ZC2HC1B: variants seen among roughly 807,000 people sequenced by gnomAD.
ZC2HC1B encodes zinc finger C2HC-type containing 1B, also known as zinc finger C2HC domain-containing protein 1B.
ZC2HC1B carries 36 observed loss-of-function variants against 31.0 expected under a neutral mutation model. The observed-to-expected ratio is 1.16, with a 90% confidence interval of 0.89 to 1.54. ZC2HC1B has a LOEUF of 1.54. Ranked by LOEUF, ZC2HC1B falls within the 40% of genes most tolerant of loss-of-function variation. ZC2HC1B has a pLI of 0.00. For missense variants in ZC2HC1B, 260 were observed against 268.6 expected (o/e 0.97, Z 0.22); for synonymous variants, 73 against 88.0 (o/e 0.83, Z 0.95).
rs1192967560 is a variant in ZC2HC1B at position 143,934,944 on chromosome 6, C to A, written c.599-2705C>A. On this transcript the variant is annotated intron_variant, in intron 6 of 7. Coordinates refer to ENST00000237275, the MANE Select transcript of ZC2HC1B (RefSeq NM_001013623.3). The surrounding 1 kb of genome is among the most constrained non-coding windows in gnomAD (Gnocchi z 4.6). ...GACCTCCAGATGGCTTGCTCAGGTGCCAGCAGTGGCGATGGTGGGTGGCTC... is the reference window on the plus strand; with the variant it reads ...GACCTCCAGATGGCTTGCTCAGGTGACAGCAGTGGCGATGGTGGGTGGCTC... Among the ~76,000 whole-genome samples, 1 of 152,134 alleles carries A rather than the reference C, an allele frequency of 6.6e-6. No homozygotes were observed. The highest frequency in any genetic ancestry group is 2.4e-5 in the African/African-American group (1 of 41,428).
rs1777878911 is a variant in ZC2HC1B at position 143,913,023 on chromosome 6, A to G, written c.598+9871A>G. On this transcript the variant is annotated intron_variant, in intron 6 of 7. Coordinates refer to ENST00000237275, the MANE Select transcript of ZC2HC1B (RefSeq NM_001013623.3). The surrounding 1 kb of genome is among the most constrained non-coding windows in gnomAD (Gnocchi z 5.7). ...AAAGAAGCAGTCTGGCCATACCTCA[A>G]CAAAACAGCTGTGCTGTGGTGATGA... Among the ~76,000 whole-genome samples, 1 of 152,214 alleles carries G rather than the reference A, an allele frequency of 6.6e-6. No individual in the cohort carries two copies. The highest frequency in any genetic ancestry group is 2.1e-4 in the South Asian group (1 of 4,830).
intron 6 of ZC2HC1B, among the ~76,000 whole-genome samples, chr6:143,928,034 C>T (rs918891365): frequency 6.6e-6 from 1 of 152,184 alleles, no homozygotes; most frequent in Non-Finnish European, 1.5e-5. Context: ...AGTCCCTTGT[C>T]AGATGCACAG....
intron 4 of ZC2HC1B, among the ~76,000 whole-genome samples, chr6:143,890,963 A>G (rs892577144): frequency 3.3e-5 from 5 of 151,692 alleles, no homozygotes; most frequent in Admixed American, 2.6e-4. Context: ...CCCCGTCTCT[A>G]CTAAAAAAAA....
At chr6:143,931,724 A>G (rs775847062) in intron 6 of ZC2HC1B, among the ~76,000 whole-genome samples, 1 of 152,222 alleles carries the variant, frequency 6.6e-6, no homozygotes, top group South Asian at 2.1e-4. Flanking sequence ...TTTCCTTTAT[A>G]GGTTACCTGA....
chr6:143,924,396 T>C lies in ZC2HC1B; in HGVS notation c.599-13253T>C, dbSNP rs949736969. Among the ~76,000 whole-genome samples the C allele has an allele frequency of 2.6e-5, 4 of 151,246 alleles. No individual in the cohort carries two copies. Among genetic ancestry groups the C allele is most frequent in the African/African-American group, 9.7e-5 (4 of 41,222 alleles). ...CATATATATATCCATGTATATATAA[T>C]ACACACACACACATATATCCATGTT... On this transcript the variant is annotated intron_variant, in intron 6 of 7. Coordinates refer to ENST00000237275, the MANE Select transcript of ZC2HC1B (RefSeq NM_001013623.3). This position sits in a 1 kb window ranked among gnomAD's most constrained non-coding sequence, Gnocchi z 5.2.
intron 5 of ZC2HC1B, 84 bp from the exon 6 acceptor site, chr6:143,902,960 G>C: frequency 1.6e-6 from 2 of 1,284,648 alleles, no homozygotes; most frequent in South Asian, 1.3e-5. Flanking sequence ...TGCTGGTTAA[G>C]TGGGAACAGC....
Position 143,877,351 on chromosome 6 carries a change from C to T in ZC2HC1B, c.29-6953C>T, listed in dbSNP as rs554709777. On this transcript the variant is annotated intron_variant, in intron 1 of 7. Transcript: ENST00000237275. Reference sequence around the variant, plus strand: ...AGCCTGGAGTGCAATGGCGCCATCTCAGTTCACCAAAACCTCCACCTCCTG... The same window carrying T: ...AGCCTGGAGTGCAATGGCGCCATCTTAGTTCACCAAAACCTCCACCTCCTG... Among the ~76,000 whole-genome samples the T allele has an allele frequency of 5.5e-5, 7 of 126,540 alleles. No homozygotes were observed. The East Asian group carries it at 7.4e-4, about 13-fold the overall frequency. 83.0% of individuals were successfully genotyped at this position (126,540 alleles called of 152,430 possible). A position where few individuals can be genotyped will look rare whatever the true frequency, so the allele number is the denominator to read the frequency against.
Position 143,924,103 on chromosome 6 carries a change from G to A in ZC2HC1B, c.599-13546G>A, listed in dbSNP as rs925881440. On this transcript the variant is annotated intron_variant, in intron 6 of 7. Transcript: ENST00000237275. This position sits in a 1 kb window ranked among gnomAD's most constrained non-coding sequence, Gnocchi z 5.2. ...GCATGGGATATCTTTCCATTTGTTT[G>A]TGTCCTCTTAACATTCTTTCATCAG... Among the ~76,000 whole-genome samples, 2 of 152,020 alleles carry A rather than the reference G, an allele frequency of 1.3e-5. No homozygotes were observed. Among genetic ancestry groups the A allele is most frequent in the African/African-American group, 4.8e-5 (2 of 41,434 alleles).
At chr6:143,894,914 C>A (rs555900287) in intron 4 of ZC2HC1B, among the ~76,000 whole-genome samples, 1 of 152,192 alleles carries the variant, frequency 6.6e-6, no homozygotes, top group African/African-American at 2.4e-5. Context: ...ATTATTGTTT[C>A]TCTAAAAAAA....
rs1289558335 is a variant in ZC2HC1B, at chr6:143,903,897, TTTTA to T, written c.598+751_598+754del. 6.6e-6 allele frequency among the ~76,000 whole-genome samples: 1 copy of T among 152,166 alleles called. No individual in the cohort carries two copies. Among genetic ancestry groups the T allele is most frequent in the Admixed American group, 6.5e-5 (1 of 15,268 alleles). On this transcript the variant is annotated intron_variant, in intron 6 of 7. Coordinates refer to ENST00000237275, the MANE Select transcript of ZC2HC1B (RefSeq NM_001013623.3). This position sits in a 1 kb window ranked among gnomAD's most constrained non-coding sequence, Gnocchi z 4.3. ...ATTTTTTATTATTGGTACACTTGGG[TTTTA>T]TTTATCTATTTATTTATTTTTAAAT...
intron 5 of ZC2HC1B, among the ~76,000 whole-genome samples, chr6:143,902,161 C>T (rs928291229): frequency 1.8e-4 from 27 of 152,068 alleles, no homozygotes; most frequent in Non-Finnish European, 2.9e-4. Flanking sequence ...TCTGAACAGC[C>T]GTATTTGTTT....
At chr6:143,897,571 C>G (rs768549834) in intron 4 of ZC2HC1B, among the ~76,000 whole-genome samples, 5 of 151,824 alleles carry the variant, frequency 3.3e-5, no homozygotes, top group Non-Finnish European at 7.4e-5. Context: ...TCTCTGGAAG[C>G]TGAAGCTGTT....
intron 6 of ZC2HC1B, among the ~76,000 whole-genome samples, chr6:143,931,564 T>A (rs766576279): frequency 2.0e-5 from 3 of 152,194 alleles, no homozygotes; most frequent in Non-Finnish European, 4.4e-5. Context: ...TGAAAAAGAC[T>A]TTATCTCTCC....
In ZC2HC1B at chr6:143,899,102, G is replaced by A. The variant is rs1777705357; in HGVS notation, c.489+411G>A. On this transcript the variant is annotated intron_variant, in intron 5 of 7. Transcript: ENST00000237275. This position sits in a 1 kb window ranked among gnomAD's most constrained non-coding sequence, Gnocchi z 5.0. ...TCATGTGTTTTGCTCTATAGAGGAGGGGTCTTCACCTTTTATTTAAAGTCA... is the reference window on the plus strand; with the variant it reads ...TCATGTGTTTTGCTCTATAGAGGAGAGGTCTTCACCTTTTATTTAAAGTCA... Among the ~76,000 whole-genome samples the A allele has an allele frequency of 6.6e-6, 1 of 152,182 alleles. No homozygotes were observed.
chr6:143,918,971 TC>T lies in ZC2HC1B; in HGVS notation c.598+15820del, dbSNP rs1419233113. On this transcript the variant is annotated intron_variant, in intron 6 of 7. Coordinates refer to ENST00000237275, the MANE Select transcript of ZC2HC1B (RefSeq NM_001013623.3). This position sits in a 1 kb window ranked among gnomAD's most constrained non-coding sequence, Gnocchi z 4.1. ...GATCTTTTTCTTGAGTCTCTTCACA[TC>T]TTTTTTTAGTTCCCTGAGCATCTTC... is the stretch of plus-strand genomic sequence containing the variant. Among the ~76,000 whole-genome samples the T allele has an allele frequency of 3.9e-5, 6 of 152,302 alleles. No individual in the cohort carries two copies. In the East Asian group the frequency reaches 9.6e-4, roughly 24 times the overall value.
chr6:143,909,482 T>C (rs1262996708), intron 6 of ZC2HC1B, among the ~76,000 whole-genome samples: 1 of 151,814 alleles, frequency 6.6e-6, no homozygotes, highest in African/African-American at 2.4e-5. Context: ...TACCAGCTCT[T>C]CTTTGTACCT....
chr6:143,936,932 A>G (rs1038946446), intron 6 of ZC2HC1B, among the ~76,000 whole-genome samples: 1 of 152,230 alleles, frequency 6.6e-6, no homozygotes, highest in Admixed American at 6.5e-5. Context: ...AGCTCTTTCT[A>G]TTCCTATGTC....
intron 5 of ZC2HC1B, among the ~76,000 whole-genome samples, chr6:143,900,093 G>A (rs144856607): frequency 4.2e-4 from 64 of 152,226 alleles, no homozygotes; most frequent in African/African-American, 1.3e-3. Context: ...GAGTACCTAC[G>A]AAAGAGGTAC....
intron 6 of ZC2HC1B, among the ~76,000 whole-genome samples, chr6:143,936,340 G>A (rs530709105): frequency 6.6e-6 from 1 of 152,318 alleles, no homozygotes; most frequent in East Asian, 1.9e-4. Flanking sequence ...TTACAGATGA[G>A]GAAAGCACAG....
Sources: allele counts gnomAD v4.1 joint callset (sites outside exome capture counted in the v4.1 genomes callset), GRCh38; gene constraint gnomAD v4.1.1; non-coding constraint Gnocchi (gnomAD v3.1); transcripts MANE v1.5; gene names NCBI Gene and HGNC (gene_info 2026-07-23, HGNC 2026-07-21).